The following ACOT4 variants were observed in gnomAD, a reference collection of about 807,000 sequenced individuals.
ACOT4 encodes the protein acyl-CoA thioesterase 4.
In ACOT4, 18 loss-of-function variants were observed where a neutral mutation model predicts 17.1. That is an observed-to-expected ratio of 1.05 (90% CI 0.73 to 1.56). The LOEUF is 1.56. ACOT4 is among the 40% of genes most tolerant of loss of function. ACOT4 has a pLI of 0.00. For synonymous variants in ACOT4, 234 were observed against 236.6 expected (o/e 0.99, Z 0.10); for missense variants, 574 against 557.2 (o/e 1.03, Z -0.30).
intron 1 of ACOT4, among the ~76,000 whole-genome samples, chr14:73,593,342 T>TC (rs932870093): frequency 1.4e-5 from 2 of 141,714 alleles, no homozygotes; most frequent in African/African-American, 2.6e-5. Flanking sequence ...CTTTCTTTTT[T>TC]TTTTTTTTTT....
intron 1 of ACOT4, among the ~76,000 whole-genome samples, chr14:73,593,336 C>CTTT (rs60704237): frequency 7.2e-4 from 75 of 104,836 alleles, no homozygotes; most frequent in East Asian, 1.1e-3. Flanking sequence ...TTCTTTCTTT[C>CTTT]TTTTTTTTTT....
At chr14:73,594,004 A>C (rs1890202905) in intron 2 of ACOT4, 100 bp downstream of exon 2, 1 of 1,113,618 alleles carries the variant, frequency 9.0e-7, no homozygotes, top group Non-Finnish European at 1.3e-6. Context: ...TTCCTCTTTC[A>C]CAAAGATGTC....
chr14:73,592,196 G>A lies in ACOT4; in HGVS notation c.237G>A (p.Gly79=). ...GGSFAGLEPM[G]LLWALEPEKP... ...GCTTCGCGGGACTCGAGCCCATGGG[G>A]CTGCTCTGGGCCCTGGAACCCGAGA... The change falls in exon 1 of 3, where the codon GGG becomes GGA. Residue 79 remains glycine, a synonymous_variant. Coordinates refer to ENST00000326303, the MANE Select transcript of ACOT4 (RefSeq NM_152331.4). 1.2e-6 allele frequency: 2 copies of A among 1,611,054 alleles called. No individual in the cohort carries two copies. The highest frequency in any genetic ancestry group is 2.2e-5 in the East Asian group (1 of 44,744).
intron 2 of ACOT4, among the ~76,000 whole-genome samples, chr14:73,594,710 T>C (rs920039035): frequency 2.6e-5 from 4 of 151,060 alleles, no homozygotes; most frequent in Non-Finnish European, 5.9e-5. Flanking sequence ...ATTTATTTAT[T>C]TATCTTTTGA....
chr14:73,593,111 C>T (rs1890181761), intron 1 of ACOT4, among the ~76,000 whole-genome samples: 1 of 152,216 alleles, frequency 6.6e-6, no homozygotes, highest in African/African-American at 2.4e-5. Flanking sequence ...GTCGTCTTCT[C>T]TAGTGTTCTA....
At chr14:73,593,643 A>G in intron 1 of ACOT4, 59 bp from the exon 2 acceptor site, 2 of 1,495,050 alleles carry the variant, frequency 1.3e-6, no homozygotes, top group Non-Finnish European at 1.8e-6. Flanking sequence ...GTGTCCAGCC[A>G]GGAAAGCAAA....
intron 1 of ACOT4, among the ~76,000 whole-genome samples, chr14:73,593,463 C>G (rs1488548167): frequency 6.7e-6 from 1 of 149,862 alleles, no homozygotes; most frequent in Non-Finnish European, 1.5e-5. Flanking sequence ...CATTGCCTCC[C>G]AAGTAGCTAG....
At position 73,595,720 on chromosome 14, in the gene ACOT4, A is replaced by C; in HGVS notation, c.*66A>C. 1 of 1,472,688 alleles carries C rather than the reference A, an allele frequency of 6.8e-7. No individual in the cohort carries two copies. Among genetic ancestry groups the C allele is most frequent in the Admixed American group, 2.3e-5 (1 of 42,978 alleles). 91.2% of individuals were successfully genotyped at this position (1,472,688 alleles called of 1,614,324 possible). A position where few individuals can be genotyped will look rare whatever the true frequency, so the allele number is the denominator to read the frequency against. On this transcript the variant is annotated 3_prime_UTR_variant, in exon 3 of 3. Coordinates refer to ENST00000326303, the MANE Select transcript of ACOT4 (RefSeq NM_152331.4). ...TTCTAGTGTTCAGTAACCCTATGTG[A>C]ATCAGATGTCTCCTGGATAACATTA...
chr14:73,595,438 C>G lies in ACOT4; in HGVS notation c.1050C>G (p.Pro350=), dbSNP rs770841972. 6.2e-7 allele frequency: 1 copy of G among 1,614,196 alleles called. No homozygotes were observed. Among genetic ancestry groups the G allele is most frequent in the Non-Finnish European group, 8.5e-7 (1 of 1,180,036 alleles). ...TACAGGCCCATGGAAAGGAAAAACC[C>G]CAGATCATCTGTTACCCTGGGACTG... The part of the protein sequence containing the change: ...ERLQAHGKEK[P]QIICYPGTGH... Residue 350 remains proline (P), a synonymous_variant, in exon 3 of 3, where the codon CCC becomes CCG. Coordinates refer to ENST00000326303, the MANE Select transcript of ACOT4 (RefSeq NM_152331.4).
intron 2 of ACOT4, 74 bp downstream of exon 2, chr14:73,593,978 C>A: frequency 7.4e-7 from 1 of 1,342,960 alleles, no homozygotes; most frequent in Non-Finnish European, 1.0e-6. Context: ...TTACCACGTG[C>A]AGAAATGCTG....
chr14:73,593,501 CTAAT>C (rs1890190717), intron 1 of ACOT4, among the ~76,000 whole-genome samples, 197 bp from the exon 2 acceptor site: 1 of 148,698 alleles, frequency 6.7e-6, no homozygotes, highest in South Asian at 2.1e-4. Flanking sequence ...ACCACACTGA[CTAAT>C]TAAAAAAAAA....
chr14:73,591,876 C>G lies in ACOT4; in HGVS notation c.-84C>G. 1 of 1,277,922 alleles carries G rather than the reference C, an allele frequency of 7.8e-7. No individual in the cohort carries two copies. The highest frequency in any genetic ancestry group is 4.2e-5 in the Admixed American group (1 of 23,954). 79.2% of individuals were successfully genotyped at this position (1,277,922 alleles called of 1,614,324 possible). A position where few individuals can be genotyped will look rare whatever the true frequency, so the allele number is the denominator to read the frequency against. ...GCTTCCGGCACCAGGGGACGCCGGA[C>G]GCCGTCCGGACATTCGGCGCGCTTG... On this transcript the variant is annotated 5_prime_UTR_variant, in exon 1 of 3. Coordinates refer to ENST00000326303, the MANE Select transcript of ACOT4 (RefSeq NM_152331.4).
At position 73,593,804 on chromosome 14, in the gene ACOT4, C is replaced by A. The variant is rs35724886; in HGVS notation, c.560C>A (p.Ala187Asp). The change falls in exon 2 of 3, where the codon GCT becomes GAT. Residue 187 changes from alanine (A) to aspartate (D), a missense_variant. By Grantham distance (126) the Ala-to-Asp change is moderately radical (BLOSUM62 -2). Coordinates refer to ENST00000326303, the MANE Select transcript of ACOT4 (RefSeq NM_152331.4). ...LLAGHGFATL[A>D]LAYYNFEDLP... ...GCTGGCCATGGCTTTGCCACGTTGG[C>A]TCTAGCTTATTATAACTTTGAAGAT... 299,520 of 1,607,944 alleles carry A rather than the reference C, an allele frequency of 0.19. 32,016 individuals are homozygous for A. The highest frequency in any genetic ancestry group is 0.22 in the Non-Finnish European group (253,753 of 1,175,646).
chr14:73,592,800 C>T (rs544012018), intron 1 of ACOT4, among the ~76,000 whole-genome samples: 11 of 152,150 alleles, frequency 7.2e-5, no homozygotes, highest in Non-Finnish European at 1.5e-4. Context: ...TTGCAGTGAG[C>T]CGAGATCGCA....
In ACOT4 at chr14:73,593,741, T is replaced by C; in HGVS notation, c.497T>C (p.Ile166Thr). The C allele has an allele frequency of 6.2e-7, 1 of 1,613,676 alleles. No individual in the cohort carries two copies. Among genetic ancestry groups the C allele is most frequent in the Non-Finnish European group, 8.5e-7 (1 of 1,179,752 alleles). ...CCAGGGATCATTGACATCTTTGGTA[T>C]TGGAGGGGGCCTCTTGGAATATCGA... Reference protein sequence around the residue: ...PFPGIIDIFGIGGGLLEYRAS... With the variant: ...PFPGIIDIFGTGGGLLEYRAS... Residue 166 changes from isoleucine to threonine, a missense_variant, in exon 2 of 3, where the codon ATT becomes ACT. Coordinates refer to ENST00000326303, the MANE Select transcript of ACOT4 (RefSeq NM_152331.4).
chr14:73,594,255 CAAGAACA>C (rs1232418763), intron 2 of ACOT4, among the ~76,000 whole-genome samples: 1 of 152,100 alleles, frequency 6.6e-6, no homozygotes, highest in Non-Finnish European at 1.5e-5. Flanking sequence ...TTTCAGAAGC[CAAGAACA>C]AACTTACTTA....
At chr14:73,593,543 A>G (rs1890191500) in intron 1 of ACOT4, among the ~76,000 whole-genome samples, 159 bp from the exon 2 acceptor site, 2 of 151,586 alleles carry the variant, frequency 1.3e-5, no homozygotes, top group Admixed American at 1.3e-4. Flanking sequence ...GGGTCTCACT[A>G]CATTGTCCAG....
Position 73,591,873 on chromosome 14 carries a change from G to A in ACOT4, c.-87G>A, listed in dbSNP as rs1890152624. ...GCAGCTTCCGGCACCAGGGGACGCC[G>A]GACGCCGTCCGGACATTCGGCGCGC... On this transcript the variant is annotated 5_prime_UTR_variant, in exon 1 of 3. Transcript: ENST00000326303. The A allele has an allele frequency of 2.7e-5, 34 of 1,274,260 alleles. No homozygotes were observed. The highest frequency in any genetic ancestry group is 4.2e-5 in the Admixed American group (1 of 23,918). 78.9% of individuals were successfully genotyped at this position (1,274,260 alleles called of 1,614,324 possible). A position where few individuals can be genotyped will look rare whatever the true frequency, so the allele number is the denominator to read the frequency against.
In ACOT4 at chr14:73,593,869, G is replaced by A. The variant is rs201663408; in HGVS notation, c.625G>A (p.Glu209Lys). The A allele has an allele frequency of 1.7e-5, 28 of 1,613,524 alleles. No individual in the cohort carries two copies. Among genetic ancestry groups the A allele is most frequent in the African/African-American group, 5.3e-5 (4 of 74,880 alleles). Residue 209 changes from glutamate (E) to lysine (K), a missense_variant, in exon 2 of 3, where the codon GAA becomes AAA. Transcript: ENST00000326303. ...GGACAACATATCCCTGGAGTACTTC[G>A]AAGAAGCCGTATGCTACATGCTTCA... ...NMDNISLEYFEEAVCYMLQHP... is the reference protein window; with the variant it reads ...NMDNISLEYFKEAVCYMLQHP...
Sources: gnomAD v4.1 joint callset for allele counts (sites outside exome capture counted in the v4.1 genomes callset) on GRCh38, gnomAD v4.1.1 for gene constraint, MANE v1.5 for transcripts, NCBI Gene and HGNC (gene_info 2026-07-23, HGNC 2026-07-21) for gene names.